Variants in SF3B2 observed in about 807,000 individuals in gnomAD.
SF3B2 encodes splicing factor 3b subunit 2.
A neutral mutation model predicts 116.3 loss-of-function variants in SF3B2; 22 were observed. The observed-to-expected ratio is 0.19, with a 90% CI of 0.14 to 0.27. The LOEUF (loss-of-function observed/expected upper bound fraction) is 0.27, where lower values mean the gene tolerates loss of function less well. Ranked by LOEUF, SF3B2 falls within the 10% of genes least tolerant of loss-of-function variation. The pLI, the probability that SF3B2 is intolerant of heterozygous loss-of-function variation, is 1.00. For synonymous variants in SF3B2, 406 were observed against 421.6 expected (o/e 0.96, Z 0.45); for missense variants, 767 against 1,151.4 (o/e 0.67, Z 4.83).
chr11:66,063,798 T>C (rs1440240747), intron 19 of SF3B2, 69 bp downstream of exon 19: 4 of 1,269,216 alleles, frequency 3.2e-6, no homozygotes, highest in Non-Finnish European at 4.3e-6. Flanking sequence ...CTGACTGTTG[T>C]TCCTTTCTCC....
At chr11:66,052,579 C>A (rs2135032305) in intron 1 of SF3B2, 62 bp downstream of exon 1, 1 of 1,593,266 alleles carries the variant, frequency 6.3e-7, no homozygotes. Context: ...GCCTGGTTAC[C>A]CGGGAGACTC....
rs1857068777 is a variant in SF3B2 at position 66,059,705 on chromosome 11, G to A, written c.1402-77G>A. The stretch of plus-strand genomic sequence containing the variant: ...AAGGAGGTGTGGGTGATTTGGGTTT[G>A]GGTCCTTTGAGGAAGAAGAGCTTCA... On this transcript the variant is annotated intron_variant, in intron 12 of 21. Transcript: ENST00000322535. This position sits in a 1 kb window ranked among gnomAD's most constrained non-coding sequence, Gnocchi z 5.0. 1 of 1,594,990 alleles carries A rather than the reference G, an allele frequency of 6.3e-7. No individual in the cohort carries two copies. Among genetic ancestry groups the A allele is most frequent in the African/African-American group, 1.3e-5 (1 of 74,402 alleles).
intron 19 of SF3B2, chr11:66,067,337 C>A (rs780525480): frequency 2.2e-6 from 1 of 448,968 alleles, no homozygotes. Context: ...GGGTTTTGAG[C>A]AAAGGTCTGA....
chr11:66,052,553 C>T (rs761412618), intron 1 of SF3B2, 36 bp downstream of exon 1: 1 of 1,600,438 alleles, frequency 6.2e-7, no homozygotes, highest in Non-Finnish European at 8.5e-7. Flanking sequence ...CCTTTACGGG[C>T]CTGCGGAGAA....
chr11:66,068,604 C>T (rs1857233389), intron 21 of SF3B2, 70 bp from the exon 22 acceptor site: 6 of 1,325,910 alleles, frequency 4.5e-6, no homozygotes, highest in African/African-American at 1.5e-5. Flanking sequence ...TGTCAGGCTG[C>T]CCACCCTTGT....
rs779368384 is a variant in SF3B2, at chr11:66,055,300, G to A, written c.483G>A (p.Glu161=). The change falls in exon 4 of 22, where the codon GAG becomes GAA. Residue 161 remains glutamate, a synonymous_variant. Transcript: ENST00000322535. ...QQQAALLMQQ[E]ERAKQQGDHS... Reference sequence around the variant, plus strand: ...AGGCGGCATTGCTGATGCAGCAGGAGGAGCGTGCCAAGCAGGTAGGGCAGG... The same window carrying A: ...AGGCGGCATTGCTGATGCAGCAGGAAGAGCGTGCCAAGCAGGTAGGGCAGG... The A allele has an allele frequency of 1.9e-6, 3 of 1,612,910 alleles. No homozygotes were observed. In the South Asian group the frequency reaches 3.3e-5, roughly 18 times the overall value.
chr11:66,058,474 TGTAAGTGTTCAGTAA>T, intron 9 of SF3B2, 69 bp downstream of exon 9: 6 of 1,245,808 alleles, frequency 4.8e-6, no homozygotes, highest in Non-Finnish European at 7.0e-6. Context: ...TAACACAATT[TGTAAGTGTTCAGTAA>T]GTAATAGCTT....
At chr11:66,058,441 G>A in intron 9 of SF3B2, 36 bp downstream of exon 9, 1 of 1,509,104 alleles carries the variant, frequency 6.6e-7, no homozygotes, top group Non-Finnish European at 9.2e-7. Flanking sequence ...GGAAAGCCAG[G>A]AGATGGGACT....
chr11:66,062,075 T>A, intron 16 of SF3B2, 77 bp downstream of exon 16: 1 of 977,216 alleles, frequency 1.0e-6, no homozygotes, highest in Non-Finnish European at 1.6e-6. Flanking sequence ...TTTCCTTCTC[T>A]AACTCCACCA....
intron 3 of SF3B2, chr11:66,053,328 C>T: frequency 3.6e-6 from 2 of 561,316 alleles, no homozygotes; most frequent in East Asian, 3.0e-5. Flanking sequence ...ATTGTGAGCT[C>T]TTCAGTTCTC....
At chr11:66,064,538 C>T (rs1317529244) in intron 19 of SF3B2, 1 of 152,104 alleles carries the variant, frequency 6.6e-6, no homozygotes, top group Non-Finnish European at 1.5e-5. Flanking sequence ...TTTAAATGGT[C>T]AGTTATCTTT....
At chr11:66,063,184 C>A in intron 17 of SF3B2, 68 bp downstream of exon 17, 1 of 1,256,018 alleles carries the variant, frequency 8.0e-7, no homozygotes, top group Non-Finnish European at 1.1e-6. Flanking sequence ...TGGTTTATAG[C>A]TTCATTATCA....
chr11:66,054,475 C>G (rs1246530565), intron 3 of SF3B2, among the ~76,000 whole-genome samples: 2 of 70,754 alleles, frequency 2.8e-5, no homozygotes, highest in African/African-American at 8.4e-5. Flanking sequence ...AGACTCTTGT[C>G]TCAAAAAAAA....
Position 66,061,878 on chromosome 11 carries a change from C to CT in SF3B2, c.1870-8dup. ...GGTTTGGCAGATGGTATCCTGTTCTCTTTTTCCTGCAGAATGCCCACAAGG... is the reference window on the plus strand; with the variant it reads ...GGTTTGGCAGATGGTATCCTGTTCTCTTTTTTCCTGCAGAATGCCCACAAGG... On this transcript the variant is annotated splice_polypyrimidine_tract_variant and intron_variant, in intron 15 of 21. Transcript: ENST00000322535. 6.2e-7 allele frequency: 1 copy of CT among 1,611,388 alleles called. No homozygotes were observed. The highest frequency in any genetic ancestry group is 8.5e-7 in the Non-Finnish European group (1 of 1,177,850).
intron 4 of SF3B2, 75 bp from the exon 5 acceptor site, chr11:66,055,460 T>C: frequency 6.2e-7 from 1 of 1,600,758 alleles, no homozygotes; most frequent in East Asian, 2.2e-5. Flanking sequence ...TGGAAGAGGA[T>C]CTCAAGAAGC....
chr11:66,058,564 C>T, intron 9 of SF3B2, 159 bp downstream of exon 9: 3 of 653,266 alleles, frequency 4.6e-6, no homozygotes, highest in Non-Finnish European at 7.9e-6. Context: ...GCTTTGAGTT[C>T]CAAGTACTAT....
chr11:66,068,370 CAGG>C (rs1857224464), intron 21 of SF3B2, 37 bp downstream of exon 21: 1 of 1,517,442 alleles, frequency 6.6e-7, no homozygotes, highest in African/African-American at 1.4e-5. Context: ...GGGTGAGAGC[CAGG>C]GACCCTGGCC....
Position 66,059,602 on chromosome 11 carries a change from C to T in SF3B2, c.1401+7C>T, listed in dbSNP as rs192896520. 730 of 1,613,872 alleles carry T rather than the reference C, an allele frequency of 4.5e-4. 3 individuals are homozygous for T. The East Asian group carries it at 0.015, about 32-fold the overall frequency. On this transcript the variant is annotated splice_region_variant and intron_variant, in intron 12 of 21. Transcript: ENST00000322535. The surrounding 1 kb of genome is among the most constrained non-coding windows in gnomAD (Gnocchi z 5.0). ...TGTGGCTGAACTCAAGCAGGTAAGA[C>T]CTGAGAGGATCCTGCAGGCCCTGGA...
rs1456850031 is a variant in SF3B2, at chr11:66,052,439, C to T, written c.55C>T (p.Pro19Ser). The T allele has an allele frequency of 3.1e-6, 5 of 1,613,566 alleles. No homozygotes were observed. The highest frequency in any genetic ancestry group is 2.2e-5 in the South Asian group (2 of 91,064). ...AGCAGAATTGCAGCTGCCGCCGCCGCCACCTCCAGGCCACTATGGCGCCTG... is the reference window on the plus strand; with the variant it reads ...AGCAGAATTGCAGCTGCCGCCGCCGTCACCTCCAGGCCACTATGGCGCCTG... ...PKAELQLPPP[P>S]PPGHYGAWAA... is the part of the protein sequence containing the mutation. Residue 19 changes from proline (P) to serine (S), a missense_variant, in exon 1 of 22, where the codon CCA (proline) becomes TCA (serine). Around this residue, in one of 4 missense-constraint regions of SF3B2, gnomAD observed 455 missense variants for 537.5 expected, o/e 0.85. Transcript: ENST00000322535.
Sources: allele counts gnomAD v4.1 joint callset (sites outside exome capture counted in the v4.1 genomes callset), GRCh38; gene constraint gnomAD v4.1.1; regional missense constraint gnomAD v4.1.1; non-coding constraint Gnocchi (gnomAD v3.1); transcripts MANE v1.5; gene names NCBI Gene and HGNC (gene_info 2026-07-23, HGNC 2026-07-21).